Variants in NRXN1 observed in about 807,000 individuals in gnomAD.
The protein encoded by NRXN1 is neurexin 1.
In NRXN1, 39 loss-of-function variants were observed where a neutral mutation model predicts 150.9. The ratio of observed to expected loss-of-function variants is 0.26; its 90% CI spans 0.20 to 0.34. NRXN1 has a LOEUF of 0.34. NRXN1 is among the 10% of genes least tolerant of loss of function. NRXN1 has a pLI of 1.00. For synonymous variants in NRXN1, 924 were observed against 757.0 expected (o/e 1.22, Z -3.62); for missense variants, 1,815 against 1,949.9 (o/e 0.93, Z 1.30).
chr2:50,192,963 G>T (rs957004738), intron 18 of NRXN1, among the ~76,000 whole-genome samples: 13 of 152,104 alleles, frequency 8.5e-5, no homozygotes, highest in African/African-American at 3.1e-4. Flanking sequence ...TTTTAAAGGG[G>T]CATTCTGGGC....
chr2:50,792,093 TCGG>T (rs1706129799), intron 5 of NRXN1, among the ~76,000 whole-genome samples: 1 of 152,070 alleles, frequency 6.6e-6, no homozygotes, highest in Admixed American at 6.6e-5. Context: ...ATGTAGTATA[TCGG>T]AAGAACATTA....
At chr2:50,691,138 G>C (rs891168594) in intron 5 of NRXN1, among the ~76,000 whole-genome samples, 13 of 152,152 alleles carry the variant, frequency 8.5e-5, no homozygotes, top group African/African-American at 3.1e-4. Flanking sequence ...TATATACAGA[G>C]TTTTCAAAGA....
chr2:50,410,272 ACTT>A (rs1199445571), intron 17 of NRXN1, among the ~76,000 whole-genome samples: 1 of 152,168 alleles, frequency 6.6e-6, no homozygotes, highest in African/African-American at 2.4e-5. Flanking sequence ...GCTGGAATTT[ACTT>A]CTTCTCTAAA....
intron 17 of NRXN1, among the ~76,000 whole-genome samples, chr2:50,452,884 C>G (rs141816560): frequency 1.3e-5 from 2 of 152,282 alleles, no homozygotes; most frequent in African/African-American, 4.8e-5. Flanking sequence ...TGGATTTGGT[C>G]ATTCTCCTCA....
At chr2:50,197,017 T>A (rs2061817687) in intron 18 of NRXN1, among the ~76,000 whole-genome samples, 1 of 152,160 alleles carries the variant, frequency 6.6e-6, no homozygotes, top group African/African-American at 2.4e-5. Context: ...GGCTTGAGCT[T>A]ACCTATGTAA....
intron 17 of NRXN1, among the ~76,000 whole-genome samples, chr2:50,329,424 G>T (rs1347056133): frequency 1.3e-5 from 2 of 150,988 alleles, no homozygotes; most frequent in Non-Finnish European, 3.0e-5. Flanking sequence ...CATTGTGCTG[G>T]ATAGTACAGG....
At chr2:50,592,126 T>C (rs1558986272) in intron 8 of NRXN1, among the ~76,000 whole-genome samples, 1 of 152,246 alleles carries the variant, frequency 6.6e-6, no homozygotes, top group Non-Finnish European at 1.5e-5. Flanking sequence ...CATTTAATCC[T>C]CACTATAAAC....
chr2:50,461,689 C>A (rs1011455288), intron 17 of NRXN1, among the ~76,000 whole-genome samples: 10 of 151,932 alleles, frequency 6.6e-5, no homozygotes, highest in Admixed American at 2.0e-4. Flanking sequence ...AGAGAAATTT[C>A]ATAAACAGCT....
At chr2:50,917,787 T>C (rs1329911068) in intron 5 of NRXN1, 1 of 151,636 alleles carries the variant, frequency 6.6e-6, no homozygotes. Flanking sequence ...TAAGTTTCTG[T>C]TACTTACAAG....
In NRXN1 at chr2:50,736,345, G is replaced by A. The variant is rs1698745737; in HGVS notation, c.833-112730C>T. 2.0e-5 allele frequency among the ~76,000 whole-genome samples: 3 copies of A among 152,120 alleles called. No homozygotes were observed. The South Asian group carries it at 6.2e-4, about 32-fold the overall frequency. The stretch of plus-strand genomic sequence containing the variant: ...TTCACTAGGCCCAACCTGCCTAAGG[G>A]AGTCTCATAGAGCTCTGTGGTCCTC... On this transcript the variant is annotated intron_variant, in intron 5 of 22. Transcript: ENST00000401669.
chr2:49,989,156 G>C (rs1573250126), intron 21 of NRXN1, among the ~76,000 whole-genome samples: 1 of 152,170 alleles, frequency 6.6e-6, no homozygotes, highest in African/African-American at 2.4e-5. Flanking sequence ...CCAATGGCTT[G>C]TGTGCCACTT....
intron 17 of NRXN1, among the ~76,000 whole-genome samples, chr2:50,283,151 A>G (rs1316403402): frequency 6.6e-6 from 1 of 152,176 alleles, no homozygotes; most frequent in Non-Finnish European, 1.5e-5. Flanking sequence ...AAGTGAATAT[A>G]AAAAAGTATT....
intron 5 of NRXN1, among the ~76,000 whole-genome samples, chr2:50,751,688 G>C (rs1700613032): frequency 6.6e-6 from 1 of 151,952 alleles, no homozygotes; most frequent in Non-Finnish European, 1.5e-5. Context: ...CTGCATTAAA[G>C]AGTAAAAGCA....
chr2:49,933,677 G>A (rs1419845915), intron 22 of NRXN1, among the ~76,000 whole-genome samples: 4 of 152,042 alleles, frequency 2.6e-5, no homozygotes, highest in Non-Finnish European at 4.4e-5. Context: ...GTTACTGTGG[G>A]CATCAGATCA....
chr2:50,895,321 C>T (rs1182000548), intron 5 of NRXN1, among the ~76,000 whole-genome samples: 1 of 152,128 alleles, frequency 6.6e-6, no homozygotes, highest in Non-Finnish European at 1.5e-5. Flanking sequence ...TTAATCTTTG[C>T]TCTAACTGAC....
chr2:50,206,174 T>C (rs1276310651), intron 18 of NRXN1, among the ~76,000 whole-genome samples: 1 of 151,700 alleles, frequency 6.6e-6, no homozygotes, highest in Non-Finnish European at 1.5e-5. Context: ...ATTATATGTG[T>C]GAATTCATTA....
chr2:50,027,912 C>T (rs1025602531), intron 21 of NRXN1, among the ~76,000 whole-genome samples: 2 of 152,108 alleles, frequency 1.3e-5, no homozygotes, highest in Admixed American at 6.6e-5. Flanking sequence ...AAATAAGCCC[C>T]GATTCCTATT....
chr2:50,910,075 T>C (rs1684309990), intron 5 of NRXN1, among the ~76,000 whole-genome samples: 2 of 151,768 alleles, frequency 1.3e-5, no homozygotes, highest in Admixed American at 6.6e-5. Context: ...AAAAAATGTA[T>C]CACAAAAATA....
At chr2:50,218,437 T>A (rs1282571821) in intron 18 of NRXN1, among the ~76,000 whole-genome samples, 3 of 151,812 alleles carry the variant, frequency 2.0e-5, no homozygotes, top group Non-Finnish European at 2.9e-5. Flanking sequence ...TGGAAGAATA[T>A]CTCTCACATT....
Sources: allele counts gnomAD v4.1 joint callset (sites outside exome capture counted in the v4.1 genomes callset), GRCh38; gene constraint gnomAD v4.1.1; transcripts MANE v1.5; gene names NCBI Gene and HGNC (gene_info 2026-07-23, HGNC 2026-07-21).